The following MKLN1 variants were observed in gnomAD, a reference collection of about 807,000 sequenced individuals.
The protein encoded by MKLN1 is muskelin.
MKLN1 carries 18 observed loss-of-function variants against 99.0 expected under a neutral mutation model. The observed-to-expected ratio is 0.18, with a 90% confidence interval of 0.13 to 0.27. The LOEUF (loss-of-function observed/expected upper bound fraction) is 0.27, where lower values mean the gene tolerates loss of function less well. Among genes scored for constraint, MKLN1 ranks in the 10% least tolerant of loss-of-function variants. The pLI is 1.00. For missense variants in MKLN1, 621 were observed against 875.9 expected, an observed-to-expected ratio of 0.71 and a Z score of 3.67; for synonymous variants, 288 against 293.2, an observed-to-expected ratio of 0.98 and a Z score of 0.18.
chr7:131,278,138 A>G (rs1584885895), intron 3 of MKLN1, among the ~76,000 whole-genome samples: 1 of 151,178 alleles, frequency 6.6e-6, no homozygotes, highest in African/African-American at 2.4e-5. Context: ...TGCCTCCTGG[A>G]CTCAAGCCAA....
chr7:131,470,671 A>G (rs1796793347), intron 15 of MKLN1, among the ~76,000 whole-genome samples, 171 bp from the exon 16 acceptor site: 9 of 152,324 alleles, frequency 5.9e-5, no homozygotes, highest in Middle Eastern at 3.4e-3. Flanking sequence ...CTCCACAACT[A>G]CACTATCTAC....
intron 1 of MKLN1, among the ~76,000 whole-genome samples, chr7:131,114,038 A>G (rs1263427175): frequency 1.3e-5 from 2 of 152,238 alleles, no homozygotes; most frequent in East Asian, 1.9e-4. Flanking sequence ...GAGCCAAACC[A>G]TATCACATTA....
intron 1 of MKLN1, among the ~76,000 whole-genome samples, chr7:131,372,523 A>G (rs1264200875): frequency 6.6e-6 from 1 of 152,016 alleles, no homozygotes; most frequent in African/African-American, 2.4e-5. Context: ...CTTTACATAC[A>G]CAGTTAACTA....
intron 2 of MKLN1, among the ~76,000 whole-genome samples, chr7:131,165,276 C>T (rs1345451865): frequency 6.6e-6 from 1 of 152,144 alleles, no homozygotes; most frequent in Admixed American, 6.5e-5. Flanking sequence ...ACCTCTGCCT[C>T]CCAGGTTCAA....
intron 1 of MKLN1, among the ~76,000 whole-genome samples, chr7:131,142,046 G>A (rs1006481480): frequency 6.6e-6 from 1 of 151,772 alleles, no homozygotes; most frequent in Non-Finnish European, 1.5e-5. Context: ...GGAGGCCAGG[G>A]CAGCAGGGTT....
chr7:131,244,932 C>T lies in MKLN1; in HGVS notation c.-179+41958C>T, dbSNP rs1254000863. 7.2e-5 allele frequency among the ~76,000 whole-genome samples: 11 copies of T among 152,328 alleles called. 1 individual carries two copies. The South Asian group carries it at 2.3e-3, about 32-fold the overall frequency. On this transcript the variant is annotated intron_variant, in intron 3 of 7. Coordinates refer to the MKLN1 transcript ENST00000416992. The stretch of plus-strand genomic sequence containing the variant: ...ACACCCCTACACGGCGGCACCCTTT[C>T]CTCCAGCCTTTGCAGCTCCGTTCTC...
chr7:131,331,897 A>C (rs1799087340), intron 1 of MKLN1, among the ~76,000 whole-genome samples: 1 of 152,186 alleles, frequency 6.6e-6, no homozygotes, highest in South Asian at 2.1e-4. Context: ...AATGATTCTT[A>C]TCTTGTTTAC....
intron 3 of MKLN1, among the ~76,000 whole-genome samples, chr7:131,308,415 C>T (rs1193568246): frequency 6.6e-6 from 1 of 152,002 alleles, no homozygotes; most frequent in Non-Finnish European, 1.5e-5. Flanking sequence ...GCATGCATCA[C>T]TACGCCCAGC....
At chr7:131,117,327 G>C (rs1018798508) in intron 1 of MKLN1, among the ~76,000 whole-genome samples, 5 of 151,944 alleles carry the variant, frequency 3.3e-5, no homozygotes, top group African/African-American at 9.7e-5. Context: ...CTACTCGGGA[G>C]GCTGAGGCAG....
chr7:131,209,944 GA>G (rs148157123), intron 3 of MKLN1, among the ~76,000 whole-genome samples: 4 of 151,520 alleles, frequency 2.6e-5, no homozygotes, highest in Admixed American at 6.6e-5. Flanking sequence ...CGATAAAGTA[GA>G]AAAAAAAATT....
chr7:131,253,473 C>T (rs890317561), intron 3 of MKLN1, among the ~76,000 whole-genome samples: 3 of 152,120 alleles, frequency 2.0e-5, no homozygotes, highest in African/African-American at 7.2e-5. Flanking sequence ...AGAAGCTCTC[C>T]CCCAGATACA....
intron 16 of MKLN1, among the ~76,000 whole-genome samples, chr7:131,477,294 C>T (rs1376092395): frequency 6.6e-6 from 1 of 151,972 alleles, no homozygotes; most frequent in Non-Finnish European, 1.5e-5. Context: ...CACCAGTAAT[C>T]CCAGCATTTT....
At chr7:131,231,634 GTC>G (rs1797245905) in intron 3 of MKLN1, among the ~76,000 whole-genome samples, 1 of 152,182 alleles carries the variant, frequency 6.6e-6, no homozygotes, top group South Asian at 2.1e-4. Flanking sequence ...GCGTCTGTGT[GTC>G]TATGAGTCTG....
chr7:131,221,478 C>T (rs1797057970), intron 3 of MKLN1, among the ~76,000 whole-genome samples: 1 of 150,122 alleles, frequency 6.7e-6, no homozygotes, highest in South Asian at 2.1e-4. Context: ...CTGAGGTTTC[C>T]ATTCTGGAGA....
intron 3 of MKLN1, among the ~76,000 whole-genome samples, chr7:131,228,697 A>G (rs549566460): frequency 6.6e-6 from 1 of 152,340 alleles, no homozygotes; most frequent in Admixed American, 6.5e-5. Flanking sequence ...TCTTGATGGG[A>G]AAACAGTTCA....
chr7:131,156,447 CAA>C (rs143988738), intron 2 of MKLN1, among the ~76,000 whole-genome samples: 1 of 74,668 alleles, frequency 1.3e-5, no homozygotes, highest in Non-Finnish European at 2.4e-5. Flanking sequence ...GACTCTGTCT[CAA>C]AAAAAAAAAA....
At chr7:131,199,789 G>A (rs1430164875) in intron 2 of MKLN1, among the ~76,000 whole-genome samples, 4 of 152,176 alleles carry the variant, frequency 2.6e-5, no homozygotes, top group African/African-American at 4.8e-5. Context: ...TGCTGCCAGG[G>A]TTCAAGTGAT....
rs375317109 is a variant in MKLN1, at chr7:131,222,860, CA to C, written c.-179+19903del. Among the ~76,000 whole-genome samples, 274 of 88,578 alleles carry C rather than the reference CA, an allele frequency of 3.1e-3. 2 individuals are homozygous for C. Among genetic ancestry groups the C allele is most frequent in the Middle Eastern group, 0.012 (2 of 170 alleles). The allele number at this position is 88,578 out of a possible 152,430, so 58.1% of individuals were successfully genotyped here. On this transcript the variant is annotated intron_variant, in intron 3 of 7. Transcript: ENST00000416992. ...GGTAAAATCCTCTTTGCTAAAAATA[CA>C]AAAAAAAAAAAAAAAAGAAAGAAAA...
intron 2 of MKLN1, among the ~76,000 whole-genome samples, chr7:131,150,244 G>A (rs763747817): frequency 5.3e-5 from 8 of 152,132 alleles, no homozygotes; most frequent in East Asian, 1.9e-4. Context: ...CAATGACTGC[G>A]TGACCTTGAG....
Sources: gnomAD v4.1 joint callset for allele counts (sites outside exome capture counted in the v4.1 genomes callset) on GRCh38, gnomAD v4.1.1 for gene constraint, MANE v1.5 for transcripts, NCBI Gene and HGNC (gene_info 2026-07-23, HGNC 2026-07-21) for gene names.